Variants in ERCC3 observed in about 807,000 individuals in gnomAD.
ERCC3 encodes general transcription and DNA repair factor IIH helicase/translocase subunit XPB.
ERCC3 carries 66 observed loss-of-function variants against 94.2 expected under a neutral mutation model. The ratio of observed to expected loss-of-function variants is 0.70; its 90% confidence interval spans 0.57 to 0.86. The LOEUF (loss-of-function observed/expected upper bound fraction) is 0.86. Among genes scored for constraint, ERCC3 ranks in the 40% least tolerant of loss-of-function variants. ERCC3 has a pLI of 0.00. For synonymous variants in ERCC3, 349 were observed against 369.1 expected, an observed-to-expected ratio of 0.95 and a Z score of 0.63; for missense variants, 829 against 987.1, an observed-to-expected ratio of 0.84 and a Z score of 2.15.
At chr2:127,286,486 T>C (rs1256242528) in intron 8 of ERCC3, among the ~76,000 whole-genome samples, 2 of 150,640 alleles carry the variant, frequency 1.3e-5, no homozygotes, top group African/African-American at 2.4e-5. Context: ...GTGGAAGTTG[T>C]GGTGAGCTGA....
intron 7 of ERCC3, among the ~76,000 whole-genome samples, chr2:127,287,345 TGAGCCACCATGCCACGGTGGCTC>T (rs1310223153): frequency 6.6e-6 from 1 of 152,084 alleles, no homozygotes; most frequent in Non-Finnish European, 1.5e-5. Context: ...AAAACCTGGC[TGAGCCACCATGCCACGGTGGCTC>T]ATACCTGTAA....
rs1169529345 is a variant in ERCC3, at chr2:127,259,829, G to C, written c.2065-381C>G. ...AAGTGACTGGAAGGCACAGGCTGTG[G>C]CCCTTTGTGAAGGTCCCTGGCATCT... On this transcript the variant is annotated intron_variant, in intron 13 of 14. Transcript: ENST00000285398. This position sits in a 1 kb window ranked among gnomAD's most constrained non-coding sequence, Gnocchi z 4.9. 2.1e-5 allele frequency: 7 copies of C among 341,120 alleles called. No homozygotes were observed. The highest frequency in any genetic ancestry group is 1.5e-4 in the African/African-American group (7 of 46,922). The allele number at this position is 341,120 out of a possible 1,614,324, so 21.1% of individuals were successfully genotyped here. A position where few individuals can be genotyped will look rare whatever the true frequency, so the allele number is the denominator to read the frequency against.
chr2:127,293,424 T>C (rs1685346170), intron 2 of ERCC3, 89 bp downstream of exon 2: 2 of 1,211,554 alleles, frequency 1.7e-6, no homozygotes, highest in Admixed American at 1.9e-5. Context: ...GGCAGTATCC[T>C]GAATGTCAGT....
intron 12 of ERCC3, among the ~76,000 whole-genome samples, chr2:127,263,501 T>C (rs1426387345): frequency 1.3e-5 from 2 of 152,344 alleles, no homozygotes; most frequent in East Asian, 3.9e-4. Context: ...TCAAGTTGCC[T>C]ATCAGGTCTA....
At chr2:127,273,449 T>A (rs1684629476) in intron 10 of ERCC3, among the ~76,000 whole-genome samples, 3 of 152,116 alleles carry the variant, frequency 2.0e-5, no homozygotes, top group Admixed American at 2.0e-4. Context: ...TAAAAACTTC[T>A]CTTTAATTTC....
intron 10 of ERCC3, among the ~76,000 whole-genome samples, chr2:127,273,749 C>CAA (rs398039596): frequency 0.036 from 1,448 of 39,888 alleles, 87 homozygotes; most frequent in Admixed American, 0.06. Context: ...AACTCTGTCT[C>CAA]AAAAAAAAAA....
At chr2:127,285,009 C>T (rs1685021952) in intron 8 of ERCC3, among the ~76,000 whole-genome samples, 1 of 152,096 alleles carries the variant, frequency 6.6e-6, no homozygotes, top group South Asian at 2.1e-4. Context: ...AATCTTAATC[C>T]CTTAATCTGT....
Position 127,290,287 on chromosome 2 carries a change from T to A in ERCC3, c.472-14A>T, listed in dbSNP as rs1407858053. Reference sequence around the variant, plus strand: ...GACAGTACACAACTGCAAATACAGATAACATCCAACAGGTAAATGTGCAGC... The same window carrying A: ...GACAGTACACAACTGCAAATACAGAAAACATCCAACAGGTAAATGTGCAGC... On this transcript the variant is annotated splice_polypyrimidine_tract_variant and intron_variant, in intron 3 of 14. Coordinates refer to ENST00000285398, the MANE Select transcript of ERCC3 (RefSeq NM_000122.2). 1.9e-6 allele frequency: 3 copies of A among 1,609,360 alleles called. No individual in the cohort carries two copies. Among genetic ancestry groups the A allele is most frequent in the Admixed American group, 1.7e-5 (1 of 60,018 alleles).
chr2:127,259,121 G>A lies in ERCC3; in HGVS notation c.2217+175C>T, dbSNP rs1472861220. On this transcript the variant is annotated intron_variant, in intron 14 of 14. Coordinates refer to ENST00000285398, the MANE Select transcript of ERCC3 (RefSeq NM_000122.2). This position sits in a 1 kb window ranked among gnomAD's most constrained non-coding sequence, Gnocchi z 4.9. ...CTCAGCTGTGTGCAACAGTACAAGG[G>A]GCACACACCAAAAGGGCAACAAGGA... 6.6e-6 allele frequency among the ~76,000 whole-genome samples: 1 copy of A among 152,150 alleles called. No individual in the cohort carries two copies. Among genetic ancestry groups the A allele is most frequent in the Non-Finnish European group, 1.5e-5 (1 of 68,036 alleles).
At position 127,274,074 on chromosome 2, in the gene ERCC3, G is replaced by A. The variant is rs919662147; in HGVS notation, c.1731-1113C>T. ...CACACCTGTAATCCCAGCACTTTGG[G>A]AGGCGGAGGTGGGTGGATCACCTGA... On this transcript the variant is annotated intron_variant, in intron 10 of 14. Coordinates refer to ENST00000285398, the MANE Select transcript of ERCC3 (RefSeq NM_000122.2). This position sits in a 1 kb window ranked among gnomAD's most constrained non-coding sequence, Gnocchi z 4.0. Among the ~76,000 whole-genome samples the A allele has an allele frequency of 6.6e-6, 1 of 151,564 alleles. No homozygotes were observed. The highest frequency in any genetic ancestry group is 1.5e-5 in the Non-Finnish European group (1 of 67,960).
chr2:127,294,085 A>G lies in ERCC3; in HGVS notation c.-4T>C. 4 of 1,607,692 alleles carry G rather than the reference A, an allele frequency of 2.5e-6. No individual in the cohort carries two copies. Among genetic ancestry groups the G allele is most frequent in the Admixed American group, 1.7e-5 (1 of 59,960 alleles). ...CCGCTCGGTCTCTTTTGCCCATGGC[A>G]GCTACAGCAGCAGAGAGAAGATGAC... On this transcript the variant is annotated 5_prime_UTR_variant, in exon 1 of 15. Transcript: ENST00000285398.
In ERCC3 at chr2:127,274,078, C is replaced by T. The variant is rs576075648; in HGVS notation, c.1731-1117G>A. Among the ~76,000 whole-genome samples the T allele has an allele frequency of 5.9e-5, 9 of 151,328 alleles. No individual in the cohort carries two copies. In the East Asian group the frequency reaches 1.2e-3, roughly 20 times the overall value. ...CCTGTAATCCCAGCACTTTGGGAGG[C>T]GGAGGTGGGTGGATCACCTGAGGCC... On this transcript the variant is annotated intron_variant, in intron 10 of 14. Transcript: ENST00000285398. The surrounding 1 kb of genome is among the most constrained non-coding windows in gnomAD (Gnocchi z 4.0).
Position 127,271,496 on chromosome 2 carries a change from A to C in ERCC3, c.1828-43T>G. 7.4e-7 allele frequency: 1 copy of C among 1,348,984 alleles called. No homozygotes were observed. The highest frequency in any genetic ancestry group is 1.1e-6 in the Non-Finnish European group (1 of 939,772). 83.6% of individuals were successfully genotyped at this position (1,348,984 alleles called of 1,614,324 possible). A position where few individuals can be genotyped will look rare whatever the true frequency, so the allele number is the denominator to read the frequency against. ...AAGGTTTTTATATATGAGGAAAAAA[A>C]AAAAGTCAACTGATCCAGAATTTAA... On this transcript the variant is annotated intron_variant, in intron 11 of 14. Transcript: ENST00000285398. This position sits in a 1 kb window ranked among gnomAD's most constrained non-coding sequence, Gnocchi z 5.0.
At chr2:127,289,274 T>C in intron 6 of ERCC3, 63 bp downstream of exon 6, 3 of 1,469,794 alleles carry the variant, frequency 2.0e-6, no homozygotes, top group Middle Eastern at 3.8e-4. Flanking sequence ...AGTCGACACA[T>C]GGCTGGACTA....
intron 10 of ERCC3, 85 bp from the exon 11 acceptor site, chr2:127,273,046 C>A: frequency 1.2e-6 from 1 of 867,942 alleles, no homozygotes; most frequent in South Asian, 1.4e-5. Context: ...GGAGCTCAGG[C>A]TAGCTCTTCT....
In ERCC3 at chr2:127,257,353, A is replaced by G. The variant is rs1684041487; in HGVS notation, c.*243T>C. 1 of 556,856 alleles carries G rather than the reference A, an allele frequency of 1.8e-6. No individual in the cohort carries two copies. The highest frequency in any genetic ancestry group is 3.3e-6 in the Non-Finnish European group (1 of 301,944). 34.5% of individuals were successfully genotyped at this position (556,856 alleles called of 1,614,324 possible). A position where few individuals can be genotyped will look rare whatever the true frequency, so the allele number is the denominator to read the frequency against. ...ACATAAATACACCTTAAATATTAACATTTTTTATATACAGAAATGACCCCA... is the reference window on the plus strand; with the variant it reads ...ACATAAATACACCTTAAATATTAACGTTTTTTATATACAGAAATGACCCCA... On this transcript the variant is annotated 3_prime_UTR_variant, in exon 15 of 15. Coordinates refer to ENST00000285398, the MANE Select transcript of ERCC3 (RefSeq NM_000122.2). The surrounding 1 kb of genome is among the most constrained non-coding windows in gnomAD (Gnocchi z 5.4).
intron 8 of ERCC3, among the ~76,000 whole-genome samples, chr2:127,285,535 A>T (rs4150427): frequency 0.037 from 5,675 of 152,226 alleles, 140 homozygotes; most frequent in Middle Eastern, 0.065. Flanking sequence ...TACTAAAAAT[A>T]TAAAATTAGC....
At chr2:127,261,093 G>A in intron 13 of ERCC3, 135 bp downstream of exon 13, 1 of 725,408 alleles carries the variant, frequency 1.4e-6, no homozygotes, top group Non-Finnish European at 2.6e-6. Context: ...CAGAGATAAA[G>A]GGAGTTTGAG....
chr2:127,292,419 G>A, intron 3 of ERCC3, 191 bp downstream of exon 3: 1 of 667,700 alleles, frequency 1.5e-6, no homozygotes. Context: ...CGGCTCATGA[G>A]AAGCATGGCC....
Sources: gnomAD v4.1 joint callset for allele counts (sites outside exome capture counted in the v4.1 genomes callset) on GRCh38, gnomAD v4.1.1 for gene constraint, Gnocchi (gnomAD v3.1) non-coding constraint, MANE v1.5 for transcripts, NCBI Gene and HGNC (gene_info 2026-07-23, HGNC 2026-07-21) for gene names.